EGFLAM: variants seen among roughly 807,000 people sequenced by gnomAD.
EGFLAM encodes the protein EGF like, fibronectin type III and laminin G domains.
In EGFLAM, 79 loss-of-function variants were observed where a neutral mutation model predicts 113.1. That is an observed-to-expected ratio of 0.70 (90% CI 0.58 to 0.84). EGFLAM has a LOEUF of 0.84. Ranked by LOEUF, EGFLAM falls within the 40% of genes least tolerant of loss-of-function variation. The pLI is 0.00. For synonymous variants in EGFLAM, 504 were observed against 487.6 expected (o/e 1.03, Z -0.44); for missense variants, 1,265 against 1,291.6 (o/e 0.98, Z 0.32).
intron 1 of EGFLAM, among the ~76,000 whole-genome samples, chr5:38,321,791 C>T (rs563040272): frequency 3.3e-4 from 51 of 152,272 alleles, no homozygotes; most frequent in Non-Finnish European, 8.8e-5. Context: ...TGTGAAGCAG[C>T]GTGACACTCA....
At chr5:38,316,656 G>A (rs1244612865) in intron 1 of EGFLAM, among the ~76,000 whole-genome samples, 1 of 151,994 alleles carries the variant, frequency 6.6e-6, no homozygotes, top group African/African-American at 2.4e-5. Context: ...CATACTATGG[G>A]CTCAATTCCA....
rs1007448068 is a variant in EGFLAM, at chr5:38,418,240, A to C, written c.1669A>C (p.Ser557Arg). The change falls in exon 12 of 22, where the codon AGT becomes CGT. Residue 557 changes from serine to arginine, a missense_variant. Coordinates refer to ENST00000322350, the MANE Select transcript of EGFLAM (RefSeq NM_152403.4). ...MRPWPLGKAL[S>R]GADVGECSSG... ...GCCCTGGCCCCTGGGAAAAGCACTC[A>C]GTGGGGCTGATGTGGGTAAGTGGCT... The C allele has an allele frequency of 2.5e-6, 4 of 1,613,628 alleles. No individual in the cohort carries two copies. The highest frequency in any genetic ancestry group is 3.4e-6 in the Non-Finnish European group (4 of 1,179,882).
At chr5:38,277,571 C>G (rs1243397152) in intron 1 of EGFLAM, among the ~76,000 whole-genome samples, 1 of 150,406 alleles carries the variant, frequency 6.6e-6, no homozygotes, top group Non-Finnish European at 1.5e-5. Context: ...AGAAATTAGG[C>G]AAGATAAAGA....
chr5:38,451,617 C>A, intron 19 of EGFLAM, 159 bp downstream of exon 19: 1 of 1,071,450 alleles, frequency 9.3e-7, no homozygotes, highest in Non-Finnish European at 1.3e-6. Flanking sequence ...TCTTTCTTTC[C>A]AACATTCATC....
At chr5:38,435,296 G>T (rs1286026324) in intron 16 of EGFLAM, 43 bp downstream of exon 16, 6 of 1,409,226 alleles carry the variant, frequency 4.3e-6, no homozygotes, top group Non-Finnish European at 5.0e-6. Flanking sequence ...CACCCAGACT[G>T]TAGACAAAGA....
intron 5 of EGFLAM, among the ~76,000 whole-genome samples, chr5:38,356,817 T>C (rs546145398): frequency 6.6e-6 from 1 of 152,334 alleles, no homozygotes; most frequent in South Asian, 2.1e-4. Context: ...CAGAGAGAGC[T>C]TTCCTGGGCT....
Position 38,337,514 on chromosome 5 carries a change from G to T in EGFLAM, c.98-6G>T. 1 of 1,588,418 alleles carries T rather than the reference G, an allele frequency of 6.3e-7. No individual in the cohort carries two copies. The highest frequency in any genetic ancestry group is 8.6e-7 in the Non-Finnish European group (1 of 1,164,660). ...CTCTAACACAATCTCTTTTGTTTGG[G>T]GGCAGGCAAGGTAGGGCCTCCTCTT... On this transcript the variant is annotated splice_polypyrimidine_tract_variant and splice_region_variant and intron_variant, in intron 1 of 21. Coordinates refer to ENST00000322350, the MANE Select transcript of EGFLAM (RefSeq NM_152403.4).
intron 1 of EGFLAM, among the ~76,000 whole-genome samples, chr5:38,325,345 ATACT>A (rs997492025): frequency 6.6e-6 from 1 of 152,234 alleles, no homozygotes; most frequent in Non-Finnish European, 1.5e-5. Flanking sequence ...TTGAAGACAC[ATACT>A]TACTACTGGT....
intron 6 of EGFLAM, among the ~76,000 whole-genome samples, chr5:38,401,633 G>A (rs1456028016): frequency 1.3e-5 from 2 of 152,184 alleles, no homozygotes; most frequent in African/African-American, 2.4e-5. Flanking sequence ...GTTCAGCACT[G>A]TGGGAGTGTC....
At chr5:38,363,958 T>TTA (rs1323527534) in intron 5 of EGFLAM, among the ~76,000 whole-genome samples, 4 of 152,158 alleles carry the variant, frequency 2.6e-5, no homozygotes, top group Non-Finnish European at 4.4e-5. Flanking sequence ...ATGGGTGAGG[T>TTA]TAAACAGTAC....
intron 10 of EGFLAM, among the ~76,000 whole-genome samples, chr5:38,410,592 G>A (rs566245407): frequency 1.3e-5 from 2 of 152,310 alleles, no homozygotes; most frequent in South Asian, 4.1e-4. Context: ...CAGGATCCAT[G>A]TGGAAGAGGC....
chr5:38,385,156 AC>A (rs1344589196), intron 6 of EGFLAM, among the ~76,000 whole-genome samples: 7 of 152,040 alleles, frequency 4.6e-5, no homozygotes, highest in African/African-American at 1.4e-4. Flanking sequence ...TATTTATCAA[AC>A]TTTTTTGGAC....
chr5:38,261,263 T>A (rs1368014710), intron 1 of EGFLAM, among the ~76,000 whole-genome samples: 1 of 152,162 alleles, frequency 6.6e-6, no homozygotes, highest in Non-Finnish European at 1.5e-5. Flanking sequence ...CTTTTGACAT[T>A]GAACATTAAT....
chr5:38,261,063 A>G (rs1484745094), intron 1 of EGFLAM, among the ~76,000 whole-genome samples: 1 of 152,160 alleles, frequency 6.6e-6, no homozygotes, highest in Non-Finnish European at 1.5e-5. Context: ...GACCCTCCCT[A>G]TCTCCTCATA....
chr5:38,303,113 T>C (rs1758635519), intron 1 of EGFLAM, among the ~76,000 whole-genome samples: 1 of 152,120 alleles, frequency 6.6e-6, no homozygotes, highest in South Asian at 2.1e-4. Context: ...ATATACCCAT[T>C]GTCCTTGGGA....
chr5:38,455,798 C>T (rs1008660506), intron 19 of EGFLAM, among the ~76,000 whole-genome samples: 1 of 152,140 alleles, frequency 6.6e-6, no homozygotes. Flanking sequence ...TTGGCCTGAA[C>T]AGGAGAGTTG....
chr5:38,334,055 C>G (rs1181349765), intron 1 of EGFLAM, among the ~76,000 whole-genome samples: 2 of 150,434 alleles, frequency 1.3e-5, no homozygotes, highest in Non-Finnish European at 2.9e-5. Context: ...TCCCAAGTAG[C>G]TGGGATTACA....
At chr5:38,425,266 C>A (rs945266188) in intron 13 of EGFLAM, among the ~76,000 whole-genome samples, 174 bp downstream of exon 13, 1 of 152,276 alleles carries the variant, frequency 6.6e-6, no homozygotes, top group Non-Finnish European at 1.5e-5. Context: ...CAACCTCTGC[C>A]TCCCGGGTTC....
chr5:38,344,144 G>A (rs2561122), intron 3 of EGFLAM, among the ~76,000 whole-genome samples: 86,339 of 152,070 alleles, frequency 0.57, 25,019 homozygotes, highest in Admixed American at 0.63. Flanking sequence ...ACTTCAGTTC[G>A]GAACAATTCA....
Sources: gnomAD v4.1 joint callset for allele counts (sites outside exome capture counted in the v4.1 genomes callset) on GRCh38, gnomAD v4.1.1 for gene constraint, MANE v1.5 for transcripts, NCBI Gene and HGNC (gene_info 2026-07-23, HGNC 2026-07-21) for gene names.